Variants in ADAM10 observed in about 807,000 individuals in gnomAD.
ADAM10 encodes ADAM metallopeptidase domain 10.
A neutral mutation model predicts 90.1 loss-of-function variants in ADAM10; 17 were observed. The ratio of observed to expected loss-of-function variants is 0.19; its 90% CI spans 0.13 to 0.28. ADAM10 has a LOEUF of 0.28. Among genes scored for constraint, ADAM10 ranks in the 10% least tolerant of loss-of-function variants. ADAM10 has a pLI of 1.00. For missense variants in ADAM10, 610 were observed against 914.3 expected (o/e 0.67, Z 4.29); for synonymous variants, 310 against 298.6 (o/e 1.04, Z -0.40).
chr15:58,703,291 CAAAAAAAAAAA>C, intron 2 of ADAM10, among the ~76,000 whole-genome samples: 1 of 76,376 alleles, frequency 1.3e-5, no homozygotes, highest in East Asian at 3.1e-4. Context: ...GGTATTCCCT[CAAAAAAAAAAA>C]AAAAAAAAAC....
chr15:58,597,074 C>T lies in ADAM10; in HGVS notation c.*473G>A, dbSNP rs150654398. The T allele has an allele frequency of 1.1e-5, 3 of 261,506 alleles. No individual in the cohort carries two copies. Among genetic ancestry groups the T allele is most frequent in the Non-Finnish European group, 2.2e-5 (3 of 134,518 alleles). 16.2% of individuals were successfully genotyped at this position (261,506 alleles called of 1,614,324 possible). A position where few individuals can be genotyped will look rare whatever the true frequency, so the allele number is the denominator to read the frequency against. On this transcript the variant is annotated 3_prime_UTR_variant, in exon 16 of 16. Transcript: ENST00000260408. ...CAATTGCACACAGAAGTACAGTGTA[C>T]GTAAGAAATACATGTCTGCATATAA...
intron 2 of ADAM10, among the ~76,000 whole-genome samples, chr15:58,695,535 T>G (rs1897952206): frequency 6.6e-6 from 1 of 152,180 alleles, no homozygotes; most frequent in Admixed American, 6.5e-5. Flanking sequence ...GTCATTAAAA[T>G]TTATTATTCA....
At chr15:58,713,559 C>T (rs1197364904) in intron 2 of ADAM10, among the ~76,000 whole-genome samples, 4 of 152,184 alleles carry the variant, frequency 2.6e-5, no homozygotes, top group Admixed American at 1.3e-4. Context: ...ATATATACAG[C>T]ATTGCTAAGT....
At chr15:58,669,108 A>C (rs1442050037) in intron 4 of ADAM10, among the ~76,000 whole-genome samples, 1 of 152,160 alleles carries the variant, frequency 6.6e-6, no homozygotes, top group African/African-American at 2.4e-5. Flanking sequence ...ATTAAGAAAA[A>C]TTATTATATA....
chr15:58,621,524 A>G lies in ADAM10; in HGVS notation c.1458T>C (p.Asp486=), dbSNP rs756344808. The G allele has an allele frequency of 3.1e-6, 5 of 1,613,998 alleles. No homozygotes were observed. Among genetic ancestry groups the G allele is most frequent in the Admixed American group, 1.7e-5 (1 of 59,998 alleles). ...ATTTTCTTCCCTCTGGTTGATTTGCATCGAAGCAGCATTCATCTTTACACT... is the reference window on the plus strand; with the variant it reads ...ATTTTCTTCCCTCTGGTTGATTTGCGTCGAAGCAGCATTCATCTTTACACT... ...SDQCKDECCF[D]ANQPEGRKCK... is the part of the protein sequence containing the mutation. The change falls in exon 11 of 16, where the codon GAT becomes GAC. Residue 486 remains aspartate (D), a synonymous_variant. Transcript: ENST00000260408.
At chr15:58,644,051 AAATCAGTAATT>A (rs1896485351) in intron 6 of ADAM10, 73 bp from the exon 7 acceptor site, 2 of 1,144,576 alleles carry the variant, frequency 1.7e-6, no homozygotes, top group Admixed American at 3.5e-5. Flanking sequence ...TCCATTTCCA[AAATCAGTAATT>A]ATTCATGTCC....
intron 2 of ADAM10, chr15:58,698,552 G>T (rs1478483461): frequency 2.6e-5 from 4 of 152,318 alleles, no homozygotes; most frequent in Non-Finnish European, 5.7e-5. Context: ...CTCTAGCCTG[G>T]GCAACAGAGT....
At chr15:58,605,635 G>T (rs1895249749) in intron 14 of ADAM10, among the ~76,000 whole-genome samples, 1 of 152,164 alleles carries the variant, frequency 6.6e-6, no homozygotes, top group Admixed American at 6.5e-5. Context: ...TTCATTCAAT[G>T]AACATTTACT....
intron 11 of ADAM10, among the ~76,000 whole-genome samples, chr15:58,614,582 T>A (rs2141001798): frequency 6.6e-6 from 1 of 152,302 alleles, no homozygotes; most frequent in Middle Eastern, 3.4e-3. Flanking sequence ...AAGACTTTAT[T>A]TGTCCCTCAT....
intron 14 of ADAM10, among the ~76,000 whole-genome samples, chr15:58,600,153 A>G (rs1419929861): frequency 1.3e-5 from 2 of 152,136 alleles, no homozygotes; most frequent in Admixed American, 1.3e-4. Flanking sequence ...TAATGTGCCA[A>G]TGCCCTAACA....
In ADAM10 at chr15:58,597,323, C is replaced by A; in HGVS notation, c.*224G>T. ...TGCCATTAAGTTAAAAATATCTGTT[C>A]ATAAGAAAATTGGGTTCCTTTTCCA... On this transcript the variant is annotated 3_prime_UTR_variant, in exon 16 of 16. Coordinates refer to ENST00000260408, the MANE Select transcript of ADAM10 (RefSeq NM_001110.4). The A allele has an allele frequency of 6.8e-7, 1 of 1,459,928 alleles. No individual in the cohort carries two copies. Among genetic ancestry groups the A allele is most frequent in the East Asian group, 2.5e-5 (1 of 40,436 alleles). The allele number at this position is 1,459,928 out of a possible 1,614,324, so 90.4% of individuals were successfully genotyped here. A position where few individuals can be genotyped will look rare whatever the true frequency, so the allele number is the denominator to read the frequency against.
At chr15:58,643,306 A>AT (rs1278916022) in intron 7 of ADAM10, among the ~76,000 whole-genome samples, 49 of 152,088 alleles carry the variant, frequency 3.2e-4, no homozygotes, top group African/African-American at 1.1e-3. Flanking sequence ...ATGTTAATAT[A>AT]TTTTTTCTAA....
At chr15:58,627,552 A>G (rs1391050830) in intron 10 of ADAM10, 148 bp downstream of exon 10, 9 of 696,574 alleles carry the variant, frequency 1.3e-5, no homozygotes, top group Non-Finnish European at 1.2e-5. Context: ...TGGCAAGATT[A>G]AGAAATAACG....
intron 6 of ADAM10, among the ~76,000 whole-genome samples, chr15:58,644,262 C>T (rs1380180887): frequency 6.8e-6 from 1 of 146,046 alleles, no homozygotes. Context: ...AAGAGTCTTG[C>T]TCTGTTGCCC....
At chr15:58,697,148 T>A (rs571991522) in intron 2 of ADAM10, among the ~76,000 whole-genome samples, 16 of 152,290 alleles carry the variant, frequency 1.1e-4, no homozygotes, top group African/African-American at 3.8e-4. Context: ...CCACTCCTGC[T>A]GGCTGCTGCC....
chr15:58,593,149 A>ATTTTTTTTT lies in ADAM10; in HGVS notation c.*4389_*4397dup, dbSNP rs766149223. ...AAAGTAACAAAGGCCAGGTACTCAAATTTTTTTTTTTTTTTTTTTTTTTTT... is the reference window on the plus strand; with the variant it reads ...AAAGTAACAAAGGCCAGGTACTCAAATTTTTTTTTTTTTTTTTTTTTTTTTTTTTTTTTT... On this transcript the variant is annotated 3_prime_UTR_variant, in exon 16 of 16. Transcript: ENST00000260408. 1.8e-4 allele frequency: 12 copies of ATTTTTTTTT among 68,462 alleles called. No individual in the cohort carries two copies. The highest frequency in any genetic ancestry group is 2.5e-4 in the Non-Finnish European group (9 of 36,230). The allele number at this position is 68,462 out of a possible 1,614,324, so 4.2% of individuals were successfully genotyped here. A position where few individuals can be genotyped will look rare whatever the true frequency, so the allele number is the denominator to read the frequency against.
intron 9 of ADAM10, among the ~76,000 whole-genome samples, chr15:58,629,683 T>C (rs1896047147): frequency 6.6e-6 from 1 of 152,328 alleles, no homozygotes; most frequent in East Asian, 1.9e-4. Flanking sequence ...CCATGCACTA[T>C]AACTATTAAA....
chr15:58,734,945 T>G (rs755254893), intron 1 of ADAM10, among the ~76,000 whole-genome samples: 1 of 152,186 alleles, frequency 6.6e-6, no homozygotes, highest in Non-Finnish European at 1.5e-5. Context: ...CTTCAACCCT[T>G]GTACTGCTTA....
At chr15:58,681,922 C>A (rs1380002203) in intron 3 of ADAM10, among the ~76,000 whole-genome samples, 3 of 152,026 alleles carry the variant, frequency 2.0e-5, no homozygotes, top group African/African-American at 7.2e-5. Flanking sequence ...TTACAGAAGT[C>A]GTTAAAACTT....
Sources: allele counts gnomAD v4.1 joint callset (sites outside exome capture counted in the v4.1 genomes callset), GRCh38; gene constraint gnomAD v4.1.1; transcripts MANE v1.5; gene names NCBI Gene and HGNC (gene_info 2026-07-23, HGNC 2026-07-21).